GRAMD1C: variants seen among roughly 807,000 people sequenced by gnomAD.
The protein encoded by GRAMD1C is GRAM domain containing 1C, also known as protein Aster-C.
In GRAMD1C, 89 loss-of-function variants were observed where a neutral mutation model predicts 97.8. The observed-to-expected ratio is 0.91, with a 90% CI of 0.77 to 1.09. The LOEUF is 1.09. Ranked by LOEUF, GRAMD1C falls within the 50% of genes least tolerant of loss-of-function variation. GRAMD1C has a pLI of 0.00. For missense variants in GRAMD1C, 740 were observed against 766.4 expected (o/e 0.97, Z 0.41); for synonymous variants, 256 against 267.0 (o/e 0.96, Z 0.40).
At chr3:113,866,467 G>C (rs1189728873) in intron 2 of GRAMD1C, among the ~76,000 whole-genome samples, 1 of 151,980 alleles carries the variant, frequency 6.6e-6, no homozygotes, top group East Asian at 1.9e-4. Flanking sequence ...ACAAAATATA[G>C]TTGGTTCTAT....
intron 1 of GRAMD1C, among the ~76,000 whole-genome samples, chr3:113,840,231 A>G (rs981300327): frequency 1.4e-4 from 22 of 151,992 alleles, no homozygotes; most frequent in Non-Finnish European, 4.4e-5. Flanking sequence ...CTCCCAAAGT[A>G]CTGGGATAAC....
chr3:113,913,216 TA>T (rs1936671297), intron 9 of GRAMD1C: 1 of 572,862 alleles, frequency 1.7e-6, no homozygotes, highest in Non-Finnish European at 2.9e-6. Context: ...GCTTCTTTTA[TA>T]AGAATGGTCC....
intron 2 of GRAMD1C, among the ~76,000 whole-genome samples, chr3:113,856,728 C>T (rs1205994153): frequency 3.3e-5 from 5 of 151,892 alleles, no homozygotes; most frequent in Non-Finnish European, 5.9e-5. Flanking sequence ...TTAGCAGAGA[C>T]GGGTTTCTCC....
At position 113,885,362 on chromosome 3, in the gene GRAMD1C, GCTT is replaced by G. The variant is rs1935432590; in HGVS notation, c.540+2535_540+2537del. On this transcript the variant is annotated intron_variant, in intron 6 of 17. Transcript: ENST00000358160. Reference sequence around the variant, plus strand: ...GTGGCCTTCGCTGCCAAGCTCTGGAGCTTCTTCATTTACCTTTTGCGGGGGCAG... The same window carrying G: ...GTGGCCTTCGCTGCCAAGCTCTGGAGCTTCATTTACCTTTTGCGGGGGCAG... 2.5e-6 allele frequency: 4 copies of G among 1,594,128 alleles called. No homozygotes were observed. In the South Asian group the frequency reaches 3.3e-5, roughly 13 times the overall value.
chr3:113,888,152 C>T (rs1436911452), intron 6 of GRAMD1C, among the ~76,000 whole-genome samples: 1 of 152,146 alleles, frequency 6.6e-6, no homozygotes, highest in Non-Finnish European at 1.5e-5. Context: ...ACCTTGATAC[C>T]AAAACCAGAC....
intron 13 of GRAMD1C, 118 bp downstream of exon 13, chr3:113,934,653 A>G: frequency 1.7e-6 from 1 of 581,130 alleles, no homozygotes; most frequent in Non-Finnish European, 3.0e-6. Context: ...AAAGACTCCC[A>G]TGAAAGTGGT....
intron 10 of GRAMD1C, among the ~76,000 whole-genome samples, chr3:113,925,768 G>A (rs1937212520): frequency 1.3e-5 from 2 of 152,176 alleles, no homozygotes; most frequent in Admixed American, 1.3e-4. Context: ...TTGGAAGGCA[G>A]GTAACGAATT....
At chr3:113,924,541 G>A (rs1280119795) in intron 10 of GRAMD1C, among the ~76,000 whole-genome samples, 1 of 152,124 alleles carries the variant, frequency 6.6e-6, no homozygotes, top group Non-Finnish European at 1.5e-5. Flanking sequence ...AAGTCATCAG[G>A]AGCAGGTTGT....
chr3:113,849,959 A>G (rs1221207781), intron 2 of GRAMD1C, among the ~76,000 whole-genome samples: 619 of 103,660 alleles, frequency 6.0e-3, no homozygotes, highest in Middle Eastern at 9.7e-3. Flanking sequence ...GGGGCGGCTG[A>G]CCGGGCGGGG....
chr3:113,844,913 A>C, intron 2 of GRAMD1C: 1 of 286,462 alleles, frequency 3.5e-6, no homozygotes, highest in East Asian at 7.7e-5. Flanking sequence ...TTCCACTTAC[A>C]CTGTAGCTCA....
At chr3:113,876,081 C>T in intron 4 of GRAMD1C, 84 bp from the exon 5 acceptor site, 1 of 683,260 alleles carries the variant, frequency 1.5e-6, no homozygotes, top group East Asian at 2.6e-5. Context: ...GTTGAATATT[C>T]TGGATTAGAT....
At chr3:113,866,282 T>C (rs762670520) in intron 2 of GRAMD1C, among the ~76,000 whole-genome samples, 3 of 152,230 alleles carry the variant, frequency 2.0e-5, no homozygotes, top group Admixed American at 1.3e-4. Context: ...ATCTTCCTCA[T>C]TTATTGACCC....
intron 2 of GRAMD1C, among the ~76,000 whole-genome samples, chr3:113,845,765 A>G (rs1933579359): frequency 6.6e-6 from 1 of 152,186 alleles, no homozygotes; most frequent in Non-Finnish European, 1.5e-5. Context: ...TATCCTTGGT[A>G]GCAGATTTTC....
intron 10 of GRAMD1C, chr3:113,919,950 A>G (rs1171857175): frequency 1.7e-5 from 11 of 664,418 alleles, no homozygotes; most frequent in Non-Finnish European, 3.1e-5. Context: ...TAAAAGGTGA[A>G]TCAATTCCAA....
At chr3:113,865,845 G>A (rs1934563115) in intron 2 of GRAMD1C, among the ~76,000 whole-genome samples, 1 of 152,084 alleles carries the variant, frequency 6.6e-6, no homozygotes, top group South Asian at 2.1e-4. Context: ...CAAGCAATCT[G>A]GAATTGTCCT....
upstream of GRAMD1C, among the ~76,000 whole-genome samples, chr3:113,836,389 T>G (rs1355046133): frequency 6.6e-6 from 1 of 152,196 alleles, no homozygotes; most frequent in Non-Finnish European, 1.5e-5. Context: ...ATGTAAACAG[T>G]AAAAGAATAA....
In GRAMD1C at chr3:113,945,782, G is replaced by GT; in HGVS notation, c.*305dup. The GT allele has an allele frequency of 3.5e-6, 1 of 281,940 alleles. No individual in the cohort carries two copies. Among genetic ancestry groups the GT allele is most frequent in the East Asian group, 9.5e-5 (1 of 10,546 alleles). 17.5% of individuals were successfully genotyped at this position (281,940 alleles called of 1,614,324 possible). On this transcript the variant is annotated 3_prime_UTR_variant, in exon 18 of 18. Transcript: ENST00000358160. ...AAAATGACACACCCTGAATTGAGTG[G>GT]TATGGTCTCATTTCTACAGTGAAGT...
At chr3:113,843,067 T>G (rs1933431690) in intron 1 of GRAMD1C, among the ~76,000 whole-genome samples, 2 of 143,646 alleles carry the variant, frequency 1.4e-5, no homozygotes, top group South Asian at 4.5e-4. Flanking sequence ...TTTTTTTTTT[T>G]TTTTTTTTGT....
At chr3:113,836,081 T>A (rs1709626613), upstream of GRAMD1C, among the ~76,000 whole-genome samples, 1 of 151,682 alleles carries the variant, frequency 6.6e-6, no homozygotes, top group Non-Finnish European at 1.5e-5. Flanking sequence ...CTGGCCAACA[T>A]GGTGAAAGCC....
Sources: allele counts gnomAD v4.1 joint callset (sites outside exome capture counted in the v4.1 genomes callset), GRCh38; gene constraint gnomAD v4.1.1; transcripts MANE v1.5; gene names NCBI Gene and HGNC (gene_info 2026-07-23, HGNC 2026-07-21).